HSPA1B: variants seen among roughly 807,000 people sequenced by gnomAD.
HSPA1B encodes the protein heat shock 70 kDa protein 1B.
HSPA1B carries 7 observed loss-of-function variants against 9.0 expected under a neutral mutation model. That is an observed-to-expected ratio of 0.78 (90% CI 0.44 to 1.46). The LOEUF is 1.46. HSPA1B is among the 40% of genes most tolerant of loss of function. The probability of loss-of-function intolerance (pLI) is 0.01; values close to 1 mark genes in which losing one functional copy is unlikely to be tolerated. For synonymous variants in HSPA1B, 125 were observed against 184.5 expected (o/e 0.68, Z 2.61); for missense variants, 199 against 424.5 (o/e 0.47, Z 4.67).
Position 31,829,595 on chromosome 6 carries a change from A to T in HSPA1B, c.1645A>T (p.Met549Leu). 2.5e-6 allele frequency: 4 copies of T among 1,610,802 alleles called. No homozygotes were observed. The highest frequency in any genetic ancestry group is 2.5e-6 in the Non-Finnish European group (3 of 1,179,432). Residue 549 changes from methionine to leucine, a missense_variant, in exon 1 of 1, where the codon ATG becomes TTG. By Grantham distance (15) the Met-to-Leu change is conservative. Transcript: ENST00000375650. The stretch of plus-strand genomic sequence containing the variant: ...CGCCCTGGAGTCCTACGCCTTCAAC[A>T]TGAAGAGCGCCGTGGAGGATGAGGG... ...KNALESYAFN[M>L]KSAVEDEGLK...
chr6:31,830,025 A>C lies in HSPA1B; in HGVS notation c.*149A>C. On this transcript the variant is annotated 3_prime_UTR_variant, in exon 1 of 1. Transcript: ENST00000375650. ...AACCTGATGGTAATTAGCTGGCTTC[A>C]TTATTTTTGTAGTACAACCGATATG... is the stretch of plus-strand genomic sequence containing the variant. The C allele has an allele frequency of 1.0e-6, 1 of 994,366 alleles. No homozygotes were observed. Among genetic ancestry groups the C allele is most frequent in the Non-Finnish European group, 1.5e-6 (1 of 669,620 alleles). 61.6% of individuals were successfully genotyped at this position (994,366 alleles called of 1,614,324 possible).
rs2607017 is a variant in HSPA1B, at chr6:31,827,883, G to A, written c.-68G>A. The A allele has an allele frequency of 1.3e-5, 21 of 1,612,694 alleles. No homozygotes were observed. The highest frequency in any genetic ancestry group is 1.7e-5 in the Non-Finnish European group (20 of 1,179,734). On this transcript the variant is annotated 5_prime_UTR_variant, in exon 1 of 1. Transcript: ENST00000375650. ...CGGCGTTCCGAAGGACTGAGCTCTT[G>A]TCGCGGATCCCGTCCGCCGTTTCCA...
At position 31,830,156 on chromosome 6, in the gene HSPA1B, T is replaced by G. The variant is rs1331101014; in HGVS notation, c.*280T>G. On this transcript the variant is annotated 3_prime_UTR_variant, in exon 1 of 1. Coordinates refer to ENST00000375650, the MANE Select transcript of HSPA1B (RefSeq NM_005346.6). ...TGTACGAGTTTGTTTGTTTTTTTTT[T>G]TTTTTTTTTTTTTTGCTTGGCGAAA... 6.9e-5 allele frequency: 25 copies of G among 362,400 alleles called. No homozygotes were observed. Among genetic ancestry groups the G allele is most frequent in the East Asian group, 8.4e-5 (2 of 23,680 alleles). The allele number at this position is 362,400 out of a possible 1,614,324, so 22.4% of individuals were successfully genotyped here.
chr6:31,830,007 T>A lies in HSPA1B; in HGVS notation c.*131T>A. ...ACTTCTTTGTAAAGTTGTAACCTGATGGTAATTAGCTGGCTTCATTATTTT... is the reference window on the plus strand; with the variant it reads ...ACTTCTTTGTAAAGTTGTAACCTGAAGGTAATTAGCTGGCTTCATTATTTT... On this transcript the variant is annotated 3_prime_UTR_variant, in exon 1 of 1. Transcript: ENST00000375650. The A allele has an allele frequency of 1.1e-6, 1 of 929,998 alleles. No homozygotes were observed. Among genetic ancestry groups the A allele is most frequent in the Non-Finnish European group, 1.6e-6 (1 of 641,364 alleles). The allele number at this position is 929,998 out of a possible 1,614,324, so 57.6% of individuals were successfully genotyped here.
Position 31,827,986 on chromosome 6 carries a change from C to T in HSPA1B, c.36C>T (p.Gly12=). The change falls in exon 1 of 1, where the codon GGC becomes GGT. Residue 12 remains glycine (G), a synonymous_variant. Transcript: ENST00000375650. ...AKAAAIGIDL[G]TTYSCVGVFQ... ...CCGCGGCGATCGGCATCGACCTGGG[C>T]ACCACCTACTCCTGCGTGGGGGTGT... 6.2e-7 allele frequency: 1 copy of T among 1,612,934 alleles called. No homozygotes were observed. The highest frequency in any genetic ancestry group is 2.2e-5 in the East Asian group (1 of 44,852).
rs922671474 is a variant in HSPA1B, at chr6:31,829,774, C to T, written c.1824C>T (p.Ser608=). The part of the protein sequence containing the change: ...ELEQVCNPII[S]GLYQGAGGPG... ...AGCAGGTGTGTAACCCCATCATCAG[C>T]GGACTGTACCAGGGTGCCGGTGGTC... Residue 608 remains serine (S), a synonymous_variant, in exon 1 of 1, where the codon AGC becomes AGT. Coordinates refer to ENST00000375650, the MANE Select transcript of HSPA1B (RefSeq NM_005346.6). 1.7e-5 allele frequency: 28 copies of T among 1,612,420 alleles called. No individual in the cohort carries two copies. The Admixed American group carries it at 3.2e-4, about 18-fold the overall frequency.
chr6:31,830,043 C>T lies in HSPA1B; in HGVS notation c.*167C>T. 2.5e-6 allele frequency: 2 copies of T among 811,962 alleles called. No individual in the cohort carries two copies. Among genetic ancestry groups the T allele is most frequent in the East Asian group, 2.6e-5 (1 of 39,176 alleles). The allele number at this position is 811,962 out of a possible 1,614,324, so 50.3% of individuals were successfully genotyped here. ...TGGCTTCATTATTTTTGTAGTACAA[C>T]CGATATGTTCATTAGAATTCTTTGC... On this transcript the variant is annotated 3_prime_UTR_variant, in exon 1 of 1. Coordinates refer to ENST00000375650, the MANE Select transcript of HSPA1B (RefSeq NM_005346.6).
chr6:31,829,947 C>T lies in HSPA1B; in HGVS notation c.*71C>T. 6.5e-7 allele frequency: 1 copy of T among 1,545,906 alleles called. No homozygotes were observed. Among genetic ancestry groups the T allele is most frequent in the South Asian group, 1.2e-5 (1 of 83,138 alleles). ...GACTCAAGGACTTTGCTGCTGTTTTCCTATGTCATTTCTGCTTCAGCTCTT... is the reference window on the plus strand; with the variant it reads ...GACTCAAGGACTTTGCTGCTGTTTTTCTATGTCATTTCTGCTTCAGCTCTT... On this transcript the variant is annotated 3_prime_UTR_variant, in exon 1 of 1. Transcript: ENST00000375650.
rs1325891156 is a variant in HSPA1B, at chr6:31,827,754, G to A, written c.-197G>A. The A allele has an allele frequency of 6.4e-6, 8 of 1,249,760 alleles. No individual in the cohort carries two copies. The highest frequency in any genetic ancestry group is 2.5e-5 in the East Asian group (1 of 39,594). The allele number at this position is 1,249,760 out of a possible 1,614,324, so 77.4% of individuals were successfully genotyped here. A position where few individuals can be genotyped will look rare whatever the true frequency, so the allele number is the denominator to read the frequency against. On this transcript the variant is annotated 5_prime_UTR_variant, in exon 1 of 1. Transcript: ENST00000375650. ...CGGTCCGGAAAACGGCCAGCCTGAG[G>A]AGCTGCTGCGAGGGTCCGCTTCGTC...
Position 31,830,086 on chromosome 6 carries a change from T to C in HSPA1B, c.*210T>C. On this transcript the variant is annotated 3_prime_UTR_variant, in exon 1 of 1. Transcript: ENST00000375650. ...TTCTTTGCATTTAATGTTGATACTG[T>C]AAGGGTGTTTCGTTCCCTTTAAATG... 1.6e-6 allele frequency: 1 copy of C among 628,212 alleles called. No individual in the cohort carries two copies. Among genetic ancestry groups the C allele is most frequent in the East Asian group, 2.9e-5 (1 of 34,886 alleles). The allele number at this position is 628,212 out of a possible 1,614,324, so 38.9% of individuals were successfully genotyped here.
At position 31,827,763 on chromosome 6, in the gene HSPA1B, C is replaced by A; in HGVS notation, c.-188C>A. 2 of 1,318,454 alleles carry A rather than the reference C, an allele frequency of 1.5e-6. No homozygotes were observed. The highest frequency in any genetic ancestry group is 2.0e-5 in the Admixed American group (1 of 50,364). The allele number at this position is 1,318,454 out of a possible 1,614,324, so 81.7% of individuals were successfully genotyped here. ...AAACGGCCAGCCTGAGGAGCTGCTG[C>A]GAGGGTCCGCTTCGTCTTTCGAGAG... On this transcript the variant is annotated 5_prime_UTR_variant, in exon 1 of 1. Transcript: ENST00000375650.
rs1816930259 is a variant in HSPA1B at position 31,830,132 on chromosome 6, G to A, written c.*256G>A. Reference sequence around the variant, plus strand: ...AAATGAATCAACACTGCCACCTTCTGTACGAGTTTGTTTGTTTTTTTTTTT... The same window carrying A: ...AAATGAATCAACACTGCCACCTTCTATACGAGTTTGTTTGTTTTTTTTTTT... On this transcript the variant is annotated 3_prime_UTR_variant, in exon 1 of 1. Coordinates refer to ENST00000375650, the MANE Select transcript of HSPA1B (RefSeq NM_005346.6). The A allele has an allele frequency of 1.8e-5, 4 of 228,174 alleles. No homozygotes were observed. In the East Asian group the frequency reaches 2.8e-4, roughly 16 times the overall value. 14.1% of individuals were successfully genotyped at this position (228,174 alleles called of 1,614,324 possible). A position where few individuals can be genotyped will look rare whatever the true frequency, so the allele number is the denominator to read the frequency against.
chr6:31,829,891 T>C lies in HSPA1B; in HGVS notation c.*15T>C, dbSNP rs1472296430. On this transcript the variant is annotated 3_prime_UTR_variant, in exon 1 of 1. Transcript: ENST00000375650. Reference sequence around the variant, plus strand: ...AGGTGGATTAGGGGCCTTTGTTCTTTAGTATGTTTGTCTTTGAGGTGGACT... The same window carrying C: ...AGGTGGATTAGGGGCCTTTGTTCTTCAGTATGTTTGTCTTTGAGGTGGACT... 3 of 1,609,956 alleles carry C rather than the reference T, an allele frequency of 1.9e-6. No homozygotes were observed. The highest frequency in any genetic ancestry group is 2.5e-6 in the Non-Finnish European group (3 of 1,178,608).
chr6:31,828,717 A>G lies in HSPA1B; in HGVS notation c.767A>G (p.Asn256Ser). 3.7e-5 allele frequency: 1 copy of G among 27,184 alleles called. No individual in the cohort carries two copies. The highest frequency in any genetic ancestry group is 6.9e-5 in the Non-Finnish European group (1 of 14,400). 1.7% of individuals were successfully genotyped at this position (27,184 alleles called of 1,614,324 possible). The stretch of plus-strand genomic sequence containing the variant: ...AAACACAAGAAGGACATCAGCCAGA[A>G]CAAGCGAGCCGTGAGGCGGCTGCGC... The part of the protein sequence containing the change: ...KRKHKKDISQ[N>S]KRAVRRLRTA... Residue 256 changes from asparagine to serine, a missense_variant, in exon 1 of 1, where the codon AAC becomes AGC. Physicochemically the swap from Asn to Ser is conservative, Grantham distance 46. Around this residue, in one of 5 missense-constraint regions of HSPA1B, gnomAD observed 14 missense variants for 147.2 expected, o/e 0.10. Coordinates refer to ENST00000375650, the MANE Select transcript of HSPA1B (RefSeq NM_005346.6).
rs1335368232 is a variant in HSPA1B, at chr6:31,828,051, G to A, written c.101G>A (p.Gly34Asp). ...GKVEIIANDQ[G>D]NRTTPSYVAF... is the part of the protein sequence containing the mutation. Reference sequence around the variant, plus strand: ...GTGGAGATCATCGCCAACGACCAGGGCAACCGCACCACCCCCAGCTACGTG... The same window carrying A: ...GTGGAGATCATCGCCAACGACCAGGACAACCGCACCACCCCCAGCTACGTG... Residue 34 changes from glycine to aspartate, a missense_variant, in exon 1 of 1, where the codon GGC (glycine) becomes GAC (aspartate). By Grantham distance (94) the Gly-to-Asp change is moderately conservative. Transcript: ENST00000375650. 6.2e-7 allele frequency: 1 copy of A among 1,608,344 alleles called. No homozygotes were observed. The highest frequency in any genetic ancestry group is 8.5e-7 in the Non-Finnish European group (1 of 1,178,482).
rs867645805 is a variant in HSPA1B, at chr6:31,827,948, G to C, written c.-3G>C. 4 of 1,613,126 alleles carry C rather than the reference G, an allele frequency of 2.5e-6. No homozygotes were observed. The highest frequency in any genetic ancestry group is 2.5e-6 in the Non-Finnish European group (3 of 1,179,520). Reference sequence around the variant, plus strand: ...AGCGGAGCCCACAGAGCAGGGCACCGGCATGGCCAAAGCCGCGGCGATCGG... The same window carrying C: ...AGCGGAGCCCACAGAGCAGGGCACCCGCATGGCCAAAGCCGCGGCGATCGG... On this transcript the variant is annotated 5_prime_UTR_variant, in exon 1 of 1. Transcript: ENST00000375650.
rs761595780 is a variant in HSPA1B at position 31,827,873 on chromosome 6, C to G, written c.-78C>G. 2.9e-5 allele frequency: 47 copies of G among 1,612,416 alleles called. No homozygotes were observed. The highest frequency in any genetic ancestry group is 3.3e-4 in the Middle Eastern group (2 of 6,078). On this transcript the variant is annotated 5_prime_UTR_variant, in exon 1 of 1. Coordinates refer to ENST00000375650, the MANE Select transcript of HSPA1B (RefSeq NM_005346.6). ...GTTGAGTTTCCGGCGTTCCGAAGGA[C>G]TGAGCTCTTGTCGCGGATCCCGTCC... is the stretch of plus-strand genomic sequence containing the variant.
chr6:31,827,992 C>G lies in HSPA1B; in HGVS notation c.42C>G (p.Thr14=), dbSNP rs1816806461. ...CGATCGGCATCGACCTGGGCACCAC[C>G]TACTCCTGCGTGGGGGTGTTCCAAC... is the stretch of plus-strand genomic sequence containing the variant. ...AAAIGIDLGT[T]YSCVGVFQHG... The change falls in exon 1 of 1, where the codon ACC becomes ACG. Residue 14 remains threonine, a synonymous_variant. Transcript: ENST00000375650. 9 of 1,612,762 alleles carry G rather than the reference C, an allele frequency of 5.6e-6. No homozygotes were observed. Among genetic ancestry groups the G allele is most frequent in the Non-Finnish European group, 7.6e-6 (9 of 1,179,592 alleles).
In HSPA1B at chr6:31,829,948, C is replaced by G. The variant is rs1477001976; in HGVS notation, c.*72C>G. 2.6e-6 allele frequency: 4 copies of G among 1,544,146 alleles called. No homozygotes were observed. In the Admixed American group the frequency reaches 6.1e-5, roughly 23 times the overall value. ...ACTCAAGGACTTTGCTGCTGTTTTC[C>G]TATGTCATTTCTGCTTCAGCTCTTT... is the stretch of plus-strand genomic sequence containing the variant. On this transcript the variant is annotated 3_prime_UTR_variant, in exon 1 of 1. Coordinates refer to ENST00000375650, the MANE Select transcript of HSPA1B (RefSeq NM_005346.6).
Sources: gnomAD v4.1 joint callset for allele counts on GRCh38, gnomAD v4.1.1 for gene constraint, gnomAD v4.1.1 regional missense constraint, MANE v1.5 for transcripts, NCBI Gene and HGNC (gene_info 2026-07-23, HGNC 2026-07-21) for gene names.